The following UBE2F variants were observed in gnomAD, a reference collection of about 807,000 sequenced individuals.
UBE2F encodes NEDD8-conjugating enzyme UBE2F.
UBE2F carries 5 observed loss-of-function variants against 29.6 expected under a neutral mutation model. The observed-to-expected ratio is 0.17, with a 90% confidence interval of 0.09 to 0.36. The LOEUF is 0.36. UBE2F is among the 10% of genes least tolerant of loss of function. The pLI, the probability that UBE2F is intolerant of heterozygous loss-of-function variation, is 1.00. For synonymous variants in UBE2F, 66 were observed against 81.8 expected, an observed-to-expected ratio of 0.81 and a Z score of 1.04; for missense variants, 141 against 228.5, an observed-to-expected ratio of 0.62 and a Z score of 2.47.
intron 2 of UBE2F, among the ~76,000 whole-genome samples, chr2:237,977,086 C>G (rs6708774): frequency 1.3e-5 from 2 of 151,924 alleles, no homozygotes; most frequent in Non-Finnish European, 2.9e-5. Context: ...TCTGCCGGCT[C>G]CAGGGCTGAC....
chr2:237,988,003 C>A lies in UBE2F; in HGVS notation c.148+11C>A. On this transcript the variant is annotated intron_variant, in intron 3 of 9. Coordinates refer to ENST00000272930, the MANE Select transcript of UBE2F (RefSeq NM_080678.3). ...AAGCTAATTTACCTTGTAAGTATAG[C>A]ATCCCCAAACACTAAGTACTGTGAA... The A allele has an allele frequency of 6.7e-7, 1 of 1,491,370 alleles. No individual in the cohort carries two copies. The highest frequency in any genetic ancestry group is 9.0e-7 in the Non-Finnish European group (1 of 1,112,216). The allele number at this position is 1,491,370 out of a possible 1,614,324, so 92.4% of individuals were successfully genotyped here.
Position 237,967,919 on chromosome 2 carries a change from TC to T in UBE2F, c.-17+790del, listed in dbSNP as rs2063093248. Reference sequence around the variant, plus strand: ...AGAATTGGGTCCCCCCACTCTGCATTCCCGACCGCCTGGAAGTGGGGGCAGG... The same window carrying T: ...AGAATTGGGTCCCCCCACTCTGCATTCCGACCGCCTGGAAGTGGGGGCAGG... On this transcript the variant is annotated intron_variant, in intron 1 of 9. Transcript: ENST00000272930. This position sits in a 1 kb window ranked among gnomAD's most constrained non-coding sequence, Gnocchi z 6.3. Among the ~76,000 whole-genome samples the T allele has an allele frequency of 6.6e-6, 1 of 152,074 alleles. No homozygotes were observed. The highest frequency in any genetic ancestry group is 2.4e-5 in the African/African-American group (1 of 41,396).
intron 5 of UBE2F, among the ~76,000 whole-genome samples, chr2:238,022,797 G>A (rs1367675499): frequency 6.6e-6 from 1 of 152,154 alleles, no homozygotes; most frequent in East Asian, 1.9e-4. Flanking sequence ...GGGAATGTGG[G>A]AGGGCTGGGC....
In UBE2F at chr2:237,994,763, T is replaced by G; in HGVS notation, c.168T>G (p.Phe56Leu). Residue 56 changes from phenylalanine (F) to leucine (L), a missense_variant, in exon 4 of 10, where the codon TTT becomes TTG. By Grantham distance (22) the Phe-to-Leu change is conservative. Coordinates refer to ENST00000272930, the MANE Select transcript of UBE2F (RefSeq NM_080678.3). ...ANLPCTCKVHFPDPNKLHCFQ... is the reference protein window; with the variant it reads ...ANLPCTCKVHLPDPNKLHCFQ... ...TTGCAGGTACATGTAAAGTGCATTT[T>G]CCTGATCCAAACAAGCTTCATTGTT... is the stretch of plus-strand genomic sequence containing the variant. The G allele has an allele frequency of 6.2e-7, 1 of 1,614,124 alleles. No individual in the cohort carries two copies. The highest frequency in any genetic ancestry group is 8.5e-7 in the Non-Finnish European group (1 of 1,179,988).
rs956595263 is a variant in UBE2F at position 237,987,835 on chromosome 2, G to T, written c.119-128G>T. On this transcript the variant is annotated intron_variant, in intron 2 of 9. Transcript: ENST00000272930. ...GCTTAAAGTCTAAACTTTAGACCAG[G>T]TTTTATTCAGTTCATCCTTTTTTTT... 1.3e-4 allele frequency: 75 copies of T among 595,380 alleles called. 1 individual carries two copies. The African/African-American group carries it at 1.3e-3, about 11-fold the overall frequency. The allele number at this position is 595,380 out of a possible 1,614,324, so 36.9% of individuals were successfully genotyped here.
intron 6 of UBE2F, among the ~76,000 whole-genome samples, chr2:238,026,007 A>G (rs546009942): frequency 3.7e-4 from 56 of 152,266 alleles, no homozygotes; most frequent in African/African-American, 1.3e-3. Flanking sequence ...AAAGTTGTGT[A>G]GGTGGATTGG....
At chr2:237,990,100 T>G (rs1576601433) in intron 3 of UBE2F, among the ~76,000 whole-genome samples, 1 of 102,744 alleles carries the variant, frequency 9.7e-6, no homozygotes, top group Admixed American at 1.3e-4. Context: ...GGCGATGGAG[T>G]GAGACTGTCT....
Position 238,041,828 on chromosome 2 carries a change from G to A in UBE2F, c.*490G>A, listed in dbSNP as rs1165618389. 6.5e-6 allele frequency: 1 copy of A among 154,112 alleles called. No homozygotes were observed. Among genetic ancestry groups the A allele is most frequent in the South Asian group, 2.0e-4 (1 of 4,934 alleles). The allele number at this position is 154,112 out of a possible 1,614,324, so 9.5% of individuals were successfully genotyped here. A position where few individuals can be genotyped will look rare whatever the true frequency, so the allele number is the denominator to read the frequency against. On this transcript the variant is annotated 3_prime_UTR_variant, in exon 10 of 10. Transcript: ENST00000272930. The stretch of plus-strand genomic sequence containing the variant: ...CGAATGTTGGCCCTGCCTAGATGTT[G>A]TGAAGCCTCCCAGAATGCATAGAGT...
intron 3 of UBE2F, among the ~76,000 whole-genome samples, chr2:237,989,515 G>A (rs1209331843): frequency 6.6e-6 from 1 of 151,996 alleles, no homozygotes; most frequent in East Asian, 1.9e-4. Context: ...ACCACGCCAG[G>A]CTAATTTTTG....
rs2063072371 is a variant in UBE2F, at chr2:237,967,180, G to A, written c.-17+48G>A. On this transcript the variant is annotated intron_variant, in intron 1 of 9. Transcript: ENST00000272930. This position sits in a 1 kb window ranked among gnomAD's most constrained non-coding sequence, Gnocchi z 6.3. ...TGCGGCGGGGCGAGGTGCGGCCGCC[G>A]GTGCACGGGCTGGCCTGCGGGCCGG... 8.8e-7 allele frequency: 1 copy of A among 1,131,844 alleles called. No homozygotes were observed. The highest frequency in any genetic ancestry group is 1.1e-6 in the Non-Finnish European group (1 of 923,458). The allele number at this position is 1,131,844 out of a possible 1,614,324, so 70.1% of individuals were successfully genotyped here.
chr2:238,021,200 A>G (rs1576630198), intron 5 of UBE2F, among the ~76,000 whole-genome samples: 1 of 152,178 alleles, frequency 6.6e-6, no homozygotes, highest in Non-Finnish European at 1.5e-5. Flanking sequence ...GCCAAATCAG[A>G]TAACATGACC....
chr2:238,006,759 C>CTTTTTTT (rs60514924), intron 4 of UBE2F, among the ~76,000 whole-genome samples: 4 of 125,568 alleles, frequency 3.2e-5, no homozygotes, highest in Admixed American at 8.2e-5. Flanking sequence ...TTTCTTTTTT[C>CTTTTTTT]TTTTTTTTTT....
chr2:238,008,832 T>A (rs897244086), intron 4 of UBE2F, among the ~76,000 whole-genome samples: 7 of 152,262 alleles, frequency 4.6e-5, no homozygotes, highest in Non-Finnish European at 8.8e-5. Flanking sequence ...GAATATATTA[T>A]CTGTGCTTTA....
chr2:237,983,285 G>A (rs1487316595), intron 2 of UBE2F, among the ~76,000 whole-genome samples: 1 of 152,246 alleles, frequency 6.6e-6, no homozygotes, highest in East Asian at 1.9e-4. Context: ...CAGCTCCGCT[G>A]AAGAGATCTG....
intron 9 of UBE2F, among the ~76,000 whole-genome samples, chr2:238,037,714 T>G (rs1397007924): frequency 6.6e-6 from 1 of 152,202 alleles, no homozygotes; most frequent in Non-Finnish European, 1.5e-5. Context: ...CAGGCAATTC[T>G]TGTGCCTCAG....
chr2:238,006,579 G>A (rs1465063567), intron 4 of UBE2F, among the ~76,000 whole-genome samples: 1 of 152,092 alleles, frequency 6.6e-6, no homozygotes, highest in Non-Finnish European at 1.5e-5. Flanking sequence ...TGTGGATTCT[G>A]TAGACTTTCC....
intron 2 of UBE2F, among the ~76,000 whole-genome samples, chr2:237,985,031 A>G (rs1356958983): frequency 6.7e-6 from 1 of 149,138 alleles, no homozygotes; most frequent in African/African-American, 2.5e-5. Flanking sequence ...TGGTGGTCTC[A>G]CTGTGTTGCC....
At chr2:238,011,019 C>G (rs374532743) in intron 4 of UBE2F, among the ~76,000 whole-genome samples, 1 of 152,186 alleles carries the variant, frequency 6.6e-6, no homozygotes, top group East Asian at 1.9e-4. Context: ...GTCTACTTCA[C>G]CTGCTCCCAC....
Position 238,032,370 on chromosome 2 carries a change from G to T in UBE2F, c.444+116G>T, listed in dbSNP as rs976340947. On this transcript the variant is annotated intron_variant, in intron 8 of 9. Transcript: ENST00000272930. ...CATGTTAAAAAATGAAACATGGACT[G>T]GGCACAGTGGCTCACGCCTGTAATC... 110 of 899,256 alleles carry T rather than the reference G, an allele frequency of 1.2e-4. 1 individual carries two copies. The highest frequency in any genetic ancestry group is 3.6e-4 in the Admixed American group (16 of 44,428). 55.7% of individuals were successfully genotyped at this position (899,256 alleles called of 1,614,324 possible). A position where few individuals can be genotyped will look rare whatever the true frequency, so the allele number is the denominator to read the frequency against.
Sources: gnomAD v4.1 joint callset for allele counts (sites outside exome capture counted in the v4.1 genomes callset) on GRCh38, gnomAD v4.1.1 for gene constraint, Gnocchi (gnomAD v3.1) non-coding constraint, MANE v1.5 for transcripts, NCBI Gene and HGNC (gene_info 2026-07-23, HGNC 2026-07-21) for gene names.